The following QTRT2 variants were observed in gnomAD, a reference collection of about 807,000 sequenced individuals.
QTRT2 encodes the protein queuine tRNA-ribosyltransferase domain containing 1.
In QTRT2, 32 loss-of-function variants were observed where a neutral mutation model predicts 44.8. The observed-to-expected ratio is 0.71, with a 90% CI of 0.54 to 0.96. The LOEUF is 0.96. Ranked by LOEUF, QTRT2 falls within the 40% of genes least tolerant of loss-of-function variation. QTRT2 has a pLI of 0.00. For synonymous variants in QTRT2, 182 were observed against 187.4 expected, an observed-to-expected ratio of 0.97 and a Z score of 0.24; for missense variants, 461 against 503.1, an observed-to-expected ratio of 0.92 and a Z score of 0.80.
At chr3:114,071,664 C>T (rs565780703) in intron 6 of QTRT2, among the ~76,000 whole-genome samples, 1 of 152,226 alleles carries the variant, frequency 6.6e-6, no homozygotes, top group South Asian at 2.1e-4. Flanking sequence ...GTTCACTCTT[C>T]CTTGATTCCA....
At chr3:114,066,463 T>A in intron 4 of QTRT2, 180 bp downstream of exon 4, 1 of 559,998 alleles carries the variant, frequency 1.8e-6, no homozygotes, top group Non-Finnish European at 3.2e-6. Flanking sequence ...GTTGCTGCTC[T>A]CATGGAATTT....
Position 114,065,299 on chromosome 3 carries a change from A to G in QTRT2, c.42A>G (p.Leu14=), listed in dbSNP as rs539949993. 3 of 1,614,148 alleles carry G rather than the reference A, an allele frequency of 1.9e-6. No individual in the cohort carries two copies. Among genetic ancestry groups the G allele is most frequent in the African/African-American group, 2.7e-5 (2 of 75,038 alleles). The change falls in exon 3 of 10, where the codon CTA becomes CTG. Residue 14 remains leucine (L), a synonymous_variant. Transcript: ENST00000281273. The part of the protein sequence containing the change: ...SLTKVVNGCR[L]GKIKNLGKTG... ...CCAAGGTAGTTAATGGCTGTCGCCT[A>G]GGAAAAATAAAAAACCTGGGCAAAA...
chr3:114,059,042 T>C (rs1487728002), intron 2 of QTRT2, among the ~76,000 whole-genome samples: 1 of 152,232 alleles, frequency 6.6e-6, no homozygotes, highest in East Asian at 1.9e-4. Flanking sequence ...ATTTTGGACA[T>C]TTCCATGGCA....
chr3:114,065,326 A>T lies in QTRT2; in HGVS notation c.69A>T (p.Thr23=), dbSNP rs569754989. The change falls in exon 3 of 10, where the codon ACA becomes ACT. Residue 23 remains threonine (T), a synonymous_variant. Coordinates refer to ENST00000281273, the MANE Select transcript of QTRT2 (RefSeq NM_024638.4). ...RLGKIKNLGK[T]GDHTMDIPGC... ...GAAAAATAAAAAACCTGGGCAAAAC[A>T]GGGGACCACACCATGGATATTCCAG... The T allele has an allele frequency of 2.5e-5, 40 of 1,614,118 alleles. No homozygotes were observed. In the East Asian group the frequency reaches 8.5e-4, roughly 34 times the overall value.
rs759843103 is a variant in QTRT2, at chr3:114,065,359, T to A, written c.102T>A (p.Leu34=). 4 of 1,613,932 alleles carry A rather than the reference T, an allele frequency of 2.5e-6. No individual in the cohort carries two copies. The African/African-American group carries it at 5.3e-5, about 22-fold the overall frequency. The change falls in exon 3 of 10, where the codon CTT becomes CTA. Residue 34 remains leucine (L), a synonymous_variant. Transcript: ENST00000281273. ...GDHTMDIPGC[L]LYTKTGSAPH... ...ACACCATGGATATTCCAGGCTGCCT[T>A]CTGTATACCAAGACTGGCTCCGCCC...
intron 4 of QTRT2, chr3:114,066,563 G>T (rs1017920125): frequency 2.6e-6 from 1 of 377,748 alleles, no homozygotes; most frequent in East Asian, 4.8e-5. Flanking sequence ...TATCATGACA[G>T]GCCAGAGGGC....
intron 9 of QTRT2, among the ~76,000 whole-genome samples, chr3:114,084,607 C>T (rs563254548): frequency 3.7e-4 from 57 of 152,276 alleles, no homozygotes; most frequent in Non-Finnish European, 7.8e-4. Context: ...AAAGTTAACA[C>T]CTATGCAGTG....
In QTRT2 at chr3:114,065,252, C is replaced by T; in HGVS notation, c.-6C>T. ...TTCTTGACAGGACCTAGAAGAATCC[C>T]TTAGGATGAAGCTGAGTCTTACCAA... On this transcript the variant is annotated 5_prime_UTR_variant, in exon 3 of 10. Coordinates refer to ENST00000281273, the MANE Select transcript of QTRT2 (RefSeq NM_024638.4). 6.2e-7 allele frequency: 1 copy of T among 1,613,568 alleles called. No homozygotes were observed. The highest frequency in any genetic ancestry group is 1.1e-5 in the South Asian group (1 of 91,060).
intron 4 of QTRT2, chr3:114,066,535 A>G (rs2076955955): frequency 4.3e-6 from 2 of 463,798 alleles, no homozygotes; most frequent in Non-Finnish European, 7.9e-6. Flanking sequence ...GCTTTACAGG[A>G]TTAGGGATAT....
Position 114,070,608 on chromosome 3 carries a change from C to T in QTRT2, c.334-18C>T. Reference sequence around the variant, plus strand: ...CATTTTACTCTTGCTAATTCCTCATCATTTTGCTCCATGGCAGTCTGTGTC... The same window carrying T: ...CATTTTACTCTTGCTAATTCCTCATTATTTTGCTCCATGGCAGTCTGTGTC... On this transcript the variant is annotated intron_variant, in intron 5 of 9. Coordinates refer to ENST00000281273, the MANE Select transcript of QTRT2 (RefSeq NM_024638.4). 1 of 1,604,772 alleles carries T rather than the reference C, an allele frequency of 6.2e-7. No individual in the cohort carries two copies. Among genetic ancestry groups the T allele is most frequent in the Non-Finnish European group, 8.5e-7 (1 of 1,171,918 alleles).
intron 4 of QTRT2, 122 bp from the exon 5 acceptor site, chr3:114,067,865 C>A: frequency 2.7e-6 from 2 of 733,402 alleles, no homozygotes; most frequent in Non-Finnish European, 4.8e-6. Context: ...TCAGATACAA[C>A]CTATTGACAG....
chr3:114,066,433 T>TC (rs2076955063), intron 4 of QTRT2, 150 bp downstream of exon 4: 1 of 577,728 alleles, frequency 1.7e-6, no homozygotes, highest in African/African-American at 1.9e-5. Context: ...CATTGGCAAG[T>TC]CAAGATTGAA....
At chr3:114,070,923 CCTA>C (rs2077017118) in intron 6 of QTRT2, 85 bp downstream of exon 6, 1 of 1,019,446 alleles carries the variant, frequency 9.8e-7, no homozygotes, top group South Asian at 1.4e-5. Flanking sequence ...TGTTCTTCCT[CCTA>C]CTGCTGTGCT....
Position 114,076,928 on chromosome 3 carries a change from G to T in QTRT2, c.732G>T (p.Pro244=), listed in dbSNP as rs942014272. The stretch of plus-strand genomic sequence containing the variant: ...TGTCATCAGTCACTGCAGAGCTGCC[G>T]GAGGACAAGCCAAGGCCAGTGTTCG... The part of the protein sequence containing the change: ...RLLSSVTAEL[P]EDKPRLISGV... The change falls in exon 7 of 10, where the codon CCG becomes CCT. Residue 244 remains proline (P), a synonymous_variant. Transcript: ENST00000281273. The T allele has an allele frequency of 6.2e-7, 1 of 1,614,042 alleles. No homozygotes were observed. The highest frequency in any genetic ancestry group is 8.5e-7 in the Non-Finnish European group (1 of 1,179,986).
intron 2 of QTRT2, among the ~76,000 whole-genome samples, chr3:114,064,348 T>C (rs1308549395): frequency 1.3e-5 from 2 of 152,188 alleles, no homozygotes; most frequent in Non-Finnish European, 2.9e-5. Context: ...AGAGATGTAA[T>C]GAAGTATTTG....
intron 2 of QTRT2, chr3:114,057,437 G>A (rs2076814548): frequency 6.6e-6 from 1 of 152,242 alleles, no homozygotes; most frequent in Non-Finnish European, 1.5e-5. Flanking sequence ...TCACTGGAGT[G>A]TTGTAATGAT....
intron 4 of QTRT2, 46 bp from the exon 5 acceptor site, chr3:114,067,941 T>C (rs1339363056): frequency 6.5e-7 from 1 of 1,535,122 alleles, no homozygotes; most frequent in South Asian, 1.1e-5. Flanking sequence ...TACAGTGTCA[T>C]TGTTGATGTA....
intron 5 of QTRT2, 23 bp downstream of exon 5, chr3:114,068,086 A>T: frequency 6.2e-7 from 1 of 1,604,580 alleles, no homozygotes; most frequent in Non-Finnish European, 8.5e-7. Context: ...AAGGGTCTCC[A>T]AGGCTGCAGC....
chr3:114,087,208 T>C lies in QTRT2; in HGVS notation c.*1304T>C, dbSNP rs1281447597. 2 of 152,184 alleles carry C rather than the reference T, an allele frequency of 1.3e-5. No homozygotes were observed. The highest frequency in any genetic ancestry group is 2.9e-5 in the Non-Finnish European group (2 of 68,034). The allele number at this position is 152,184 out of a possible 1,614,324, so 9.4% of individuals were successfully genotyped here. A position where few individuals can be genotyped will look rare whatever the true frequency, so the allele number is the denominator to read the frequency against. On this transcript the variant is annotated 3_prime_UTR_variant, in exon 10 of 10. Transcript: ENST00000281273. ...TTGTAGGGATAAGAAATACATTTGT[T>C]TTATACTTCTATGCTATATTTTGCT...
Sources: gnomAD v4.1 joint callset for allele counts (sites outside exome capture counted in the v4.1 genomes callset) on GRCh38, gnomAD v4.1.1 for gene constraint, MANE v1.5 for transcripts, NCBI Gene and HGNC (gene_info 2026-07-23, HGNC 2026-07-21) for gene names.